The following SPMIP2 variants were observed in gnomAD, a reference collection of about 807,000 sequenced individuals.
The protein encoded by SPMIP2 is protein SPMIP2.
At chr4:158,904,762 G>T in the SPMIP2 span, 1 of 524,808 alleles carries the variant, frequency 1.9e-6, no homozygotes, top group Non-Finnish European at 3.4e-6. Flanking sequence ...GAACACTTTA[G>T]GCCATTTGTT....
At chr4:158,956,294 G>A in the SPMIP2 span, among the ~76,000 whole-genome samples, 8,580 of 152,264 alleles carry the variant, frequency 0.056, 303 homozygotes, top group African/African-American at 0.1. Flanking sequence ...AGCTGGGTGC[G>A]GTGGCTCACG....
At chr4:159,060,098 G>A in the SPMIP2 span, among the ~76,000 whole-genome samples, 1 of 152,148 alleles carries the variant, frequency 6.6e-6, no homozygotes, top group South Asian at 2.1e-4. Flanking sequence ...CCATTGAGTG[G>A]GCCGAGTGAA....
the SPMIP2 span, chr4:159,007,367 G>A: frequency 1.5e-6 from 1 of 682,866 alleles, no homozygotes; most frequent in South Asian, 1.4e-5. Context: ...AGATAAGCAG[G>A]AGATGAAAGA....
chr4:159,059,052 C>T, the SPMIP2 span, among the ~76,000 whole-genome samples: 1 of 152,174 alleles, frequency 6.6e-6, no homozygotes, highest in South Asian at 2.1e-4. Context: ...TCTGTGAGAG[C>T]TTAAATTCTA....
the SPMIP2 span, among the ~76,000 whole-genome samples, chr4:159,054,140 C>A: frequency 1.3e-5 from 2 of 151,970 alleles, no homozygotes; most frequent in Non-Finnish European, 2.9e-5. Flanking sequence ...TGCCATTACA[C>A]CTGGTTAATT....
At chr4:159,049,382 CAT>C in the SPMIP2 span, among the ~76,000 whole-genome samples, 3 of 152,152 alleles carry the variant, frequency 2.0e-5, no homozygotes, top group Non-Finnish European at 4.4e-5. Context: ...TAGTCTGAAA[CAT>C]ATAGATGAGA....
the SPMIP2 span, among the ~76,000 whole-genome samples, chr4:159,071,871 G>T: frequency 1.2e-4 from 19 of 152,354 alleles, no homozygotes; most frequent in South Asian, 3.9e-3. Context: ...ACAACAGGGA[G>T]CTAGAGTTCT....
the SPMIP2 span, among the ~76,000 whole-genome samples, chr4:158,972,651 T>C: frequency 3.3e-5 from 5 of 152,220 alleles, no homozygotes; most frequent in Non-Finnish European, 7.3e-5. Context: ...TAATACTTGA[T>C]ACGAAGGCAT....
chr4:158,899,595 A>G, the SPMIP2 span, among the ~76,000 whole-genome samples: 2 of 152,242 alleles, frequency 1.3e-5, no homozygotes, highest in East Asian at 3.8e-4. Context: ...GTATGTGCCC[A>G]GGAATTTATC....
the SPMIP2 span, among the ~76,000 whole-genome samples, chr4:159,035,797 G>A: frequency 6.6e-6 from 1 of 152,138 alleles, no homozygotes; most frequent in Non-Finnish European, 1.5e-5. Flanking sequence ...TGACAGCCAA[G>A]GCCCACATCT....
chr4:158,955,943 C>G, the SPMIP2 span, among the ~76,000 whole-genome samples: 1 of 152,210 alleles, frequency 6.6e-6, no homozygotes, highest in Non-Finnish European at 1.5e-5. Flanking sequence ...AAACATTTCT[C>G]AGCACTAGTG....
At chr4:158,894,005 A>C in the SPMIP2 span, among the ~76,000 whole-genome samples, 2 of 152,328 alleles carry the variant, frequency 1.3e-5, no homozygotes, top group East Asian at 1.9e-4. Flanking sequence ...ACCTGTGATT[A>C]AATGGCTTTT....
chr4:159,036,215 T>C, the SPMIP2 span, among the ~76,000 whole-genome samples: 2 of 152,190 alleles, frequency 1.3e-5, no homozygotes, highest in African/African-American at 2.4e-5. Flanking sequence ...AAAAACACTA[T>C]ATTAACTCTG....
At chr4:159,039,924 T>C in the SPMIP2 span, among the ~76,000 whole-genome samples, 1 of 152,238 alleles carries the variant, frequency 6.6e-6, no homozygotes, top group Non-Finnish European at 1.5e-5. Context: ...TATATCTTAA[T>C]GATATAAAAG....
At chr4:159,082,469 G>GTA in the SPMIP2 span, among the ~76,000 whole-genome samples, 70 of 148,826 alleles carry the variant, frequency 4.7e-4, 1 homozygote, top group Middle Eastern at 0.01. Flanking sequence ...GTGTGTGTGT[G>GTA]TGTGTGTGTG....
At chr4:159,056,179 A>G in the SPMIP2 span, among the ~76,000 whole-genome samples, 1 of 152,262 alleles carries the variant, frequency 6.6e-6, no homozygotes, top group East Asian at 1.9e-4. Flanking sequence ...ATGCAATAGA[A>G]TGGAAATAGT....
chr4:159,033,383 A>T, the SPMIP2 span, among the ~76,000 whole-genome samples: 1 of 152,208 alleles, frequency 6.6e-6, no homozygotes, highest in Non-Finnish European at 1.5e-5. Flanking sequence ...TGGTGAATAC[A>T]TGGTCCTATT....
At chr4:159,003,990 C>T in the SPMIP2 span, among the ~76,000 whole-genome samples, 4 of 152,048 alleles carry the variant, frequency 2.6e-5, no homozygotes, top group Admixed American at 6.6e-5. Flanking sequence ...TCATCACCAG[C>T]TGAGTCCATT....
the SPMIP2 span, among the ~76,000 whole-genome samples, chr4:159,041,353 C>T: frequency 6.6e-6 from 1 of 152,122 alleles, no homozygotes; most frequent in Non-Finnish European, 1.5e-5. Context: ...CCTGTAATTG[C>T]TATACTACAC....
Sources: allele counts gnomAD v4.1 joint callset (sites outside exome capture counted in the v4.1 genomes callset), GRCh38; gene constraint gnomAD v4.1.1; transcripts MANE v1.5; gene names NCBI Gene and HGNC (gene_info 2026-07-23, HGNC 2026-07-21).